Variants in SEMA5B observed in about 807,000 individuals in gnomAD.
SEMA5B encodes the protein semaphorin 5B, also known as semaphorin-5B.
A neutral mutation model predicts 135.0 loss-of-function variants in SEMA5B; 66 were observed. The ratio of observed to expected loss-of-function variants is 0.49; its 90% CI spans 0.40 to 0.60. SEMA5B has a LOEUF of 0.60. SEMA5B is among the 20% of genes least tolerant of loss of function. The pLI is 0.00. For missense variants in SEMA5B, 1,501 were observed against 1,566.3 expected, an observed-to-expected ratio of 0.96 and a Z score of 0.70; for synonymous variants, 690 against 639.5, an observed-to-expected ratio of 1.08 and a Z score of -1.19.
intron 5 of SEMA5B, among the ~76,000 whole-genome samples, chr3:122,930,673 C>T (rs1346926843): frequency 6.6e-6 from 1 of 152,210 alleles, no homozygotes; most frequent in African/African-American, 2.4e-5. Context: ...GGGGGCTGTA[C>T]CATAAGAGGA....
chr3:122,959,343 A>T (rs929924413), intron 2 of SEMA5B, among the ~76,000 whole-genome samples: 1 of 152,242 alleles, frequency 6.6e-6, no homozygotes, highest in Non-Finnish European at 1.5e-5. Context: ...AAACCCAGGC[A>T]GTCGGGCTCA....
At chr3:122,960,246 C>G (rs1445282656) in intron 2 of SEMA5B, among the ~76,000 whole-genome samples, 1 of 152,162 alleles carries the variant, frequency 6.6e-6, no homozygotes, top group Non-Finnish European at 1.5e-5. Flanking sequence ...TCTTCACATC[C>G]AGAGAGTTAG....
chr3:123,002,340 T>A (rs999552914), intron 1 of SEMA5B, among the ~76,000 whole-genome samples: 10 of 152,166 alleles, frequency 6.6e-5, no homozygotes, highest in African/African-American at 4.8e-5. Context: ...AACCCATGCA[T>A]TCCCTCAGAA....
At chr3:122,937,543 G>T (rs938438436) in intron 5 of SEMA5B, among the ~76,000 whole-genome samples, 1 of 152,180 alleles carries the variant, frequency 6.6e-6, no homozygotes, top group Non-Finnish European at 1.5e-5. Context: ...CCTGAGGTCA[G>T]GCCCCTAAGA....
intron 1 of SEMA5B, among the ~76,000 whole-genome samples, chr3:123,012,410 T>C (rs1942457152): frequency 6.6e-6 from 1 of 152,076 alleles, no homozygotes; most frequent in Admixed American, 6.5e-5. Flanking sequence ...CCAAGATTCA[T>C]CCTAGGTTAA....
Position 122,979,264 on chromosome 3 carries a change from G to T in SEMA5B, c.-38-17963C>A, listed in dbSNP as rs77039642. ...CCCGCCGAGGAGAACATTCAGGATC[G>T]GAGCAGCAGAGAGCCCCTCTGTCTC... is the stretch of plus-strand genomic sequence containing the variant. On this transcript the variant is annotated intron_variant, in intron 1 of 22. Coordinates refer to ENST00000357599, the MANE Select transcript of SEMA5B (RefSeq NM_001031702.4). Among the ~76,000 whole-genome samples the T allele has an allele frequency of 8.3e-3, 1,265 of 152,262 alleles. 7 individuals carry two copies. The highest frequency in any genetic ancestry group is 0.012 in the Non-Finnish European group (815 of 68,022).
At chr3:123,023,067 G>A (rs1224039903) in intron 1 of SEMA5B, among the ~76,000 whole-genome samples, 2 of 152,172 alleles carry the variant, frequency 1.3e-5, no homozygotes, top group South Asian at 2.1e-4. Flanking sequence ...CACAGAGAGG[G>A]GGGTTTGCAA....
chr3:122,915,359 C>A, intron 14 of SEMA5B, 81 bp downstream of exon 14: 1 of 1,412,756 alleles, frequency 7.1e-7, no homozygotes, highest in Non-Finnish European at 9.7e-7. Context: ...AGTGCAAACA[C>A]CCAAGTGAGG....
intron 1 of SEMA5B, among the ~76,000 whole-genome samples, chr3:123,015,675 C>T (rs752585615): frequency 1.3e-5 from 2 of 152,130 alleles, no homozygotes; most frequent in Admixed American, 6.6e-5. Flanking sequence ...AAACAGACTT[C>T]AGAGAAATAA....
At chr3:123,010,886 G>T (rs1942425048) in intron 1 of SEMA5B, among the ~76,000 whole-genome samples, 1 of 151,592 alleles carries the variant, frequency 6.6e-6, no homozygotes, top group Non-Finnish European at 1.5e-5. Flanking sequence ...TGTATTATCT[G>T]GGACTCACCA....
At chr3:122,921,865 A>C in intron 12 of SEMA5B, 50 bp downstream of exon 12, 1 of 1,461,028 alleles carries the variant, frequency 6.8e-7, no homozygotes, top group Non-Finnish European at 9.1e-7. Context: ...CCGCCTCTTA[A>C]GCGCCTCCTC....
intron 1 of SEMA5B, among the ~76,000 whole-genome samples, chr3:122,995,934 C>A (rs1256462227): frequency 6.6e-6 from 1 of 152,220 alleles, no homozygotes; most frequent in African/African-American, 2.4e-5. Flanking sequence ...AGCAGAGCTA[C>A]GTTGATGGGT....
intron 2 of SEMA5B, among the ~76,000 whole-genome samples, chr3:122,958,518 A>G (rs1411368695): frequency 2.0e-5 from 3 of 152,152 alleles, no homozygotes; most frequent in African/African-American, 7.2e-5. Context: ...TGGTGAAGGC[A>G]TCTTCCCACC....
Position 122,928,448 on chromosome 3 carries a change from C to T in SEMA5B, c.636+69G>A, listed in dbSNP as rs1055746431. On this transcript the variant is annotated intron_variant, in intron 7 of 22. Coordinates refer to ENST00000357599, the MANE Select transcript of SEMA5B (RefSeq NM_001031702.4). ...AAAATTTGGTAACCCCCCTTCAAGG[C>T]TGTGTGCCTAGGCAGGAGAACCCCC... is the stretch of plus-strand genomic sequence containing the variant. 124 of 1,277,664 alleles carry T rather than the reference C, an allele frequency of 9.7e-5. 1 individual carries two copies. Among genetic ancestry groups the T allele is most frequent in the Non-Finnish European group, 1.1e-4 (101 of 923,650 alleles). The allele number at this position is 1,277,664 out of a possible 1,614,324, so 79.1% of individuals were successfully genotyped here.
chr3:122,955,871 C>T (rs1446786696), intron 2 of SEMA5B, among the ~76,000 whole-genome samples: 1 of 152,224 alleles, frequency 6.6e-6, no homozygotes, highest in African/African-American at 2.4e-5. Context: ...CATAATACTT[C>T]ACTGAGCATT....
chr3:122,916,838 C>T (rs1938098501), intron 12 of SEMA5B, among the ~76,000 whole-genome samples: 1 of 152,166 alleles, frequency 6.6e-6, no homozygotes, highest in Non-Finnish European at 1.5e-5. Context: ...TAGGCGGTCA[C>T]ATCCCAGTTC....
chr3:123,023,322 G>GCACACA (rs3080430), intron 1 of SEMA5B, among the ~76,000 whole-genome samples: 2,054 of 144,012 alleles, frequency 0.014, 47 homozygotes, highest in African/African-American at 0.044. Flanking sequence ...ACTATTTCCA[G>GCACACA]CACACACACA....
chr3:122,939,551 C>T (rs1180513670), intron 4 of SEMA5B, 81 bp from the exon 5 acceptor site: 4 of 1,080,224 alleles, frequency 3.7e-6, no homozygotes, highest in Non-Finnish European at 4.3e-6. Flanking sequence ...GCTTGGGCCT[C>T]CTGGGACGCC....
At chr3:123,009,430 T>C (rs1225846921) in intron 1 of SEMA5B, among the ~76,000 whole-genome samples, 1 of 151,762 alleles carries the variant, frequency 6.6e-6, no homozygotes, top group Non-Finnish European at 1.5e-5. Context: ...ACACAGAGAG[T>C]ATAAAATGTG....
Sources: gnomAD v4.1 joint callset for allele counts (sites outside exome capture counted in the v4.1 genomes callset) on GRCh38, gnomAD v4.1.1 for gene constraint, MANE v1.5 for transcripts, NCBI Gene and HGNC (gene_info 2026-07-23, HGNC 2026-07-21) for gene names.